The following MIGA1 variants were observed in gnomAD, a reference collection of about 807,000 sequenced individuals.
MIGA1 encodes the protein family with sequence similarity 73, member A.
A neutral mutation model predicts 82.0 loss-of-function variants in MIGA1; 58 were observed. The observed-to-expected ratio is 0.71, with a 90% CI of 0.57 to 0.88. The LOEUF is 0.88. Among genes scored for constraint, MIGA1 ranks in the 40% least tolerant of loss-of-function variants. The pLI is 0.00. For synonymous variants in MIGA1, 249 were observed against 253.6 expected (o/e 0.98, Z 0.17); for missense variants, 751 against 749.1 (o/e 1.00, Z -0.03).
At chr1:77,858,122 G>A (rs1172360329) in intron 8 of MIGA1, among the ~76,000 whole-genome samples, 2 of 152,180 alleles carry the variant, frequency 1.3e-5, no homozygotes, top group Non-Finnish European at 2.9e-5. Flanking sequence ...GGCTGAGGCA[G>A]GCGGATCACT....
intron 15 of MIGA1, among the ~76,000 whole-genome samples, chr1:77,873,796 A>T (rs12742653): frequency 0.24 from 36,173 of 152,142 alleles, 5,608 homozygotes; most frequent in Non-Finnish European, 0.35. Flanking sequence ...TTCATTTTTT[A>T]AAATTATGTT....
rs1348128213 is a variant in MIGA1, at chr1:77,876,213, G to C, written c.*1149G>C. 6.6e-6 allele frequency: 1 copy of C among 152,180 alleles called. No homozygotes were observed. The highest frequency in any genetic ancestry group is 1.5e-5 in the Non-Finnish European group (1 of 68,094). 9.4% of individuals were successfully genotyped at this position (152,180 alleles called of 1,614,324 possible). A position where few individuals can be genotyped will look rare whatever the true frequency, so the allele number is the denominator to read the frequency against. On this transcript the variant is annotated 3_prime_UTR_variant, in exon 16 of 16. Coordinates refer to ENST00000370791, the MANE Select transcript of MIGA1 (RefSeq NM_198549.4). ...TGGTCCCAGCTACTTGGGAGGCTGA[G>C]GTGGGAGGATCACTTGAGTCCAGAA...
intron 10 of MIGA1, chr1:77,859,776 G>A: frequency 2.5e-6 from 1 of 393,522 alleles, no homozygotes; most frequent in East Asian, 4.1e-5. Flanking sequence ...TATGTTTTGG[G>A]GCTATAGGAA....
At chr1:77,852,573 G>A (rs1039678362) in intron 8 of MIGA1, among the ~76,000 whole-genome samples, 1 of 152,080 alleles carries the variant, frequency 6.6e-6, no homozygotes, top group Admixed American at 6.6e-5. Context: ...GTATAATTTG[G>A]TGCTTAAGTT....
At chr1:77,870,717 G>C (rs1327594552) in intron 14 of MIGA1, among the ~76,000 whole-genome samples, 9 of 150,076 alleles carry the variant, frequency 6.0e-5, no homozygotes, top group Non-Finnish European at 1.2e-4. Context: ...CGGCACTTTG[G>C]GGGGCCAAGG....
chr1:77,874,996 A>G lies in MIGA1; in HGVS notation c.1831A>G (p.Thr611Ala), dbSNP rs780494749. ...TCTTGAAGCAGATGCCCTGAGGCAT[A>G]CAAGTAGTTGTCTAAGCAGTCATGG... The change falls in exon 16 of 16, where the codon ACA becomes GCA. Residue 611 changes from threonine to alanine, a missense_variant. This residue lies in a region of MIGA1 where 265 missense variants were observed against 293.6 expected (regional missense o/e 0.90). Transcript: ENST00000370791. The G allele has an allele frequency of 1.2e-6, 2 of 1,614,198 alleles. No homozygotes were observed. Among genetic ancestry groups the G allele is most frequent in the South Asian group, 1.1e-5 (1 of 91,084 alleles).
At chr1:77,870,063 C>T (rs1685879577) in intron 14 of MIGA1, among the ~76,000 whole-genome samples, 3 of 120,184 alleles carry the variant, frequency 2.5e-5, no homozygotes, top group African/African-American at 6.2e-5. Context: ...CCTCACCTCC[C>T]GGACTGGGCG....
chr1:77,867,004 A>G (rs957053750), intron 14 of MIGA1, among the ~76,000 whole-genome samples: 1 of 152,082 alleles, frequency 6.6e-6, no homozygotes, highest in Admixed American at 6.6e-5. Context: ...GTTCTTTAAT[A>G]TAGTGGATTC....
chr1:77,786,614 T>C (rs1307524305), intron 2 of MIGA1, among the ~76,000 whole-genome samples: 3 of 152,202 alleles, frequency 2.0e-5, no homozygotes, highest in Non-Finnish European at 4.4e-5. Context: ...GATTTCTAGG[T>C]CAGGGGCAAA....
At chr1:77,871,323 G>A (rs1044932772) in intron 14 of MIGA1, among the ~76,000 whole-genome samples, 4 of 151,884 alleles carry the variant, frequency 2.6e-5, no homozygotes, top group Non-Finnish European at 4.4e-5. Flanking sequence ...CCAACATGGC[G>A]AAACCCCGTC....
At chr1:77,794,378 C>T (rs1682567553) in intron 2 of MIGA1, among the ~76,000 whole-genome samples, 3 of 152,178 alleles carry the variant, frequency 2.0e-5, no homozygotes, top group South Asian at 4.1e-4. Flanking sequence ...CTTCTCCAAT[C>T]TGTGACAGTT....
intron 7 of MIGA1, among the ~76,000 whole-genome samples, chr1:77,819,623 G>A (rs549658678): frequency 2.1e-5 from 3 of 144,596 alleles, no homozygotes; most frequent in East Asian, 4.2e-4. Flanking sequence ...TGGCTGTGTT[G>A]CCCAGGCTGG....
At chr1:77,817,591 G>T (rs1393022357) in intron 7 of MIGA1, among the ~76,000 whole-genome samples, 1 of 152,144 alleles carries the variant, frequency 6.6e-6, no homozygotes, top group Middle Eastern at 3.2e-3. Flanking sequence ...GAATTGTTTG[G>T]ATATTGCAAG....
Position 77,785,345 on chromosome 1 carries a change from A to AT in MIGA1, c.195+2009dup, listed in dbSNP as rs781571362. On this transcript the variant is annotated intron_variant, in intron 2 of 15. Transcript: ENST00000370791. ...TTGAAATCCAGCAGGGCAGTCAAAAATTTTTTTTTTTTTTTGAGAGGGAGT... is the reference window on the plus strand; with the variant it reads ...TTGAAATCCAGCAGGGCAGTCAAAAATTTTTTTTTTTTTTTTGAGAGGGAGT... Among the ~76,000 whole-genome samples, 1,134 of 145,328 alleles carry AT rather than the reference A, an allele frequency of 7.8e-3. 15 individuals are homozygous for AT. Among genetic ancestry groups the AT allele is most frequent in the African/African-American group, 0.025 (979 of 39,860 alleles).
chr1:77,840,981 A>C (rs995628107), intron 7 of MIGA1, among the ~76,000 whole-genome samples: 3 of 152,138 alleles, frequency 2.0e-5, no homozygotes, highest in African/African-American at 7.2e-5. Context: ...ATAAAAGCTC[A>C]GTGTGTGTGT....
intron 8 of MIGA1, chr1:77,848,139 G>A: frequency 7.3e-7 from 1 of 1,367,188 alleles, no homozygotes; most frequent in Non-Finnish European, 1.0e-6. Context: ...CACTGACCGT[G>A]ATTACCAGAA....
At chr1:77,788,643 G>A (rs375343385) in intron 2 of MIGA1, among the ~76,000 whole-genome samples, 10 of 152,060 alleles carry the variant, frequency 6.6e-5, no homozygotes, top group African/African-American at 1.9e-4. Context: ...GTTAATTTTT[G>A]TATGTATTAT....
chr1:77,796,837 T>G (rs963607425), intron 2 of MIGA1, among the ~76,000 whole-genome samples: 1 of 152,168 alleles, frequency 6.6e-6, no homozygotes, highest in African/African-American at 2.4e-5. Flanking sequence ...GGAGCACAAT[T>G]TGTTCTTTGT....
Position 77,796,485 on chromosome 1 carries a change from C to T in MIGA1, c.196-4846C>T, listed in dbSNP as rs974479476. Among the ~76,000 whole-genome samples the T allele has an allele frequency of 7.3e-5, 11 of 150,654 alleles. No individual in the cohort carries two copies. In the East Asian group the frequency reaches 2.2e-3, roughly 29 times the overall value. ...TCACACAGGCTGGAGTGCAGTGGTGCGATAGTAGCTCACTGCAACCTCGAA... is the reference window on the plus strand; with the variant it reads ...TCACACAGGCTGGAGTGCAGTGGTGTGATAGTAGCTCACTGCAACCTCGAA... On this transcript the variant is annotated intron_variant, in intron 2 of 15. Coordinates refer to ENST00000370791, the MANE Select transcript of MIGA1 (RefSeq NM_198549.4).
Sources: allele counts gnomAD v4.1 joint callset (sites outside exome capture counted in the v4.1 genomes callset), GRCh38; gene constraint gnomAD v4.1.1; regional missense constraint gnomAD v4.1.1; transcripts MANE v1.5; gene names NCBI Gene and HGNC (gene_info 2026-07-23, HGNC 2026-07-21).